Variants in LIN52 observed in about 807,000 individuals in gnomAD.
The protein encoded by LIN52 is lin-52 DREAM MuvB core complex component, also known as protein lin-52 homolog.
A neutral mutation model predicts 18.5 loss-of-function variants in LIN52; 4 were observed. The ratio of observed to expected loss-of-function variants is 0.22; its 90% CI spans 0.11 to 0.49. LIN52 has a LOEUF of 0.49. Among genes scored for constraint, LIN52 ranks in the 20% least tolerant of loss-of-function variants. The probability of loss-of-function intolerance (pLI) is 0.97; values close to 1 mark genes in which losing one functional copy is unlikely to be tolerated. For synonymous variants in LIN52, 34 were observed against 45.5 expected, an observed-to-expected ratio of 0.75 and a Z score of 1.02; for missense variants, 102 against 139.5, an observed-to-expected ratio of 0.73 and a Z score of 1.35.
chr14:74,145,657 C>G (rs1329161410), intron 5 of LIN52, among the ~76,000 whole-genome samples: 2 of 152,238 alleles, frequency 1.3e-5, no homozygotes, highest in African/African-American at 4.8e-5. Flanking sequence ...GAAGGAACAT[C>G]ACTTAAGGAT....
At chr14:74,115,044 A>G (rs930865035) in intron 5 of LIN52, among the ~76,000 whole-genome samples, 8 of 152,236 alleles carry the variant, frequency 5.3e-5, no homozygotes, top group African/African-American at 1.7e-4. Context: ...AAAAAGTTTC[A>G]GAAGTTTAAA....
At chr14:74,106,654 A>T (rs2060898739) in intron 5 of LIN52, among the ~76,000 whole-genome samples, 1 of 151,894 alleles carries the variant, frequency 6.6e-6, no homozygotes, top group Admixed American at 6.6e-5. Flanking sequence ...GCAGTGGTGC[A>T]GTCTTGGCTC....
intron 5 of LIN52, among the ~76,000 whole-genome samples, chr14:74,179,004 T>C (rs1044786180): frequency 1.3e-4 from 20 of 152,040 alleles, no homozygotes; most frequent in Middle Eastern, 3.4e-3. Context: ...AGAGGACCAC[T>C]TGAGCCCAGG....
intron 5 of LIN52, among the ~76,000 whole-genome samples, chr14:74,144,176 G>A (rs1462447851): frequency 6.6e-6 from 1 of 150,532 alleles, no homozygotes; most frequent in East Asian, 1.9e-4. Flanking sequence ...CCAGGCTGGT[G>A]TGCAGTGGTA....
At chr14:74,178,648 C>T (rs968596224) in intron 5 of LIN52, among the ~76,000 whole-genome samples, 7 of 151,104 alleles carry the variant, frequency 4.6e-5, no homozygotes, top group East Asian at 2.0e-4. Context: ...TTAGTAGAGA[C>T]GGGGTTTCGC....
chr14:74,143,524 A>G (rs12883516), intron 5 of LIN52, among the ~76,000 whole-genome samples: 17,008 of 152,242 alleles, frequency 0.11, 1,252 homozygotes, highest in Admixed American at 0.19. Context: ...ACTGCACTCC[A>G]GCCTGGGCAA....
chr14:74,139,942 A>G (rs2061120275), intron 5 of LIN52, among the ~76,000 whole-genome samples: 1 of 152,190 alleles, frequency 6.6e-6, no homozygotes, highest in South Asian at 2.1e-4. Context: ...AAGGCAGTCT[A>G]TGGTTTAATG....
chr14:74,142,882 G>T (rs1176017598), intron 5 of LIN52, among the ~76,000 whole-genome samples: 1 of 146,800 alleles, frequency 6.8e-6, no homozygotes, highest in African/African-American at 2.5e-5. Flanking sequence ...AGTCTGTTTG[G>T]TTCTTTACAA....
At chr14:74,172,769 C>G (rs116017594) in intron 5 of LIN52, among the ~76,000 whole-genome samples, 2,799 of 152,322 alleles carry the variant, frequency 0.018, 71 homozygotes, top group African/African-American at 0.062. Context: ...AGAAAATGTT[C>G]TGCTCAAATA....
intron 5 of LIN52, among the ~76,000 whole-genome samples, chr14:74,134,228 A>G (rs747354152): frequency 3.9e-5 from 6 of 152,320 alleles, no homozygotes; most frequent in South Asian, 2.1e-4. Context: ...AGAGATAAAC[A>G]TGTCCATAAA....
intron 3 of LIN52, among the ~76,000 whole-genome samples, chr14:74,097,295 G>C (rs568186076): frequency 3.3e-5 from 5 of 152,238 alleles, no homozygotes; most frequent in Admixed American, 1.3e-4. Context: ...TTCAAGATGA[G>C]CCATGTTTTT....
chr14:74,093,948 A>C (rs1595145650), intron 2 of LIN52, among the ~76,000 whole-genome samples: 1 of 150,836 alleles, frequency 6.6e-6, no homozygotes, highest in Non-Finnish European at 1.5e-5. Flanking sequence ...ACTCCATTGC[A>C]CTCCAGGTTG....
chr14:74,110,294 C>T (rs983725578), intron 5 of LIN52, among the ~76,000 whole-genome samples: 12 of 152,124 alleles, frequency 7.9e-5, no homozygotes, highest in East Asian at 3.9e-4. Context: ...GGATGCCAAG[C>T]GGGGATGATT....
chr14:74,122,890 AAAACAAAAAC>A (rs2061008016), intron 5 of LIN52, among the ~76,000 whole-genome samples: 1 of 96,358 alleles, frequency 1.0e-5, no homozygotes, highest in South Asian at 6.7e-4. Flanking sequence ...CAAACAAACA[AAAACAAAAAC>A]AAAAACCAGT....
chr14:74,147,620 A>C (rs1266000673), intron 5 of LIN52, among the ~76,000 whole-genome samples: 1 of 152,236 alleles, frequency 6.6e-6, no homozygotes, highest in Non-Finnish European at 1.5e-5. Flanking sequence ...TGAATGGATA[A>C]ACAAAATGTA....
At chr14:74,181,378 T>A (rs1351369537) in intron 5 of LIN52, among the ~76,000 whole-genome samples, 1 of 150,294 alleles carries the variant, frequency 6.7e-6, no homozygotes, top group Non-Finnish European at 1.5e-5. Context: ...AGGTTGAGGC[T>A]GCAGCGAGCC....
At chr14:74,159,797 C>T (rs1159529003) in intron 5 of LIN52, among the ~76,000 whole-genome samples, 8 of 152,136 alleles carry the variant, frequency 5.3e-5, no homozygotes, top group Non-Finnish European at 1.2e-4. Context: ...GTCTCGAACT[C>T]GTGACCTCAA....
intron 5 of LIN52, among the ~76,000 whole-genome samples, chr14:74,165,922 G>A (rs1483253138): frequency 1.3e-5 from 2 of 148,218 alleles, no homozygotes; most frequent in African/African-American, 2.5e-5. Flanking sequence ...ACAGAGTTTC[G>A]TTCTTCTTGC....
intron 1 of LIN52, among the ~76,000 whole-genome samples, chr14:74,089,557 G>A (rs944226774): frequency 2.0e-5 from 3 of 151,808 alleles, no homozygotes; most frequent in African/African-American, 7.3e-5. Flanking sequence ...TTGTAGAGAT[G>A]GGTTTTCACT....
Sources: gnomAD v4.1 joint callset for allele counts (sites outside exome capture counted in the v4.1 genomes callset) on GRCh38, gnomAD v4.1.1 for gene constraint, MANE v1.5 for transcripts, NCBI Gene and HGNC (gene_info 2026-07-23, HGNC 2026-07-21) for gene names.